BNC2: variants seen among roughly 807,000 people sequenced by gnomAD.
BNC2 encodes the protein basonuclin zinc finger protein 2.
Under a neutral mutation model 76.3 loss-of-function variants are expected in BNC2, and 20 were observed. That is an observed-to-expected ratio of 0.26 (90% CI 0.18 to 0.38). The LOEUF (loss-of-function observed/expected upper bound fraction) is 0.38, where lower values mean the gene tolerates loss of function less well. Among genes scored for constraint, BNC2 ranks in the 10% least tolerant of loss-of-function variants. BNC2 has a pLI of 1.00. For synonymous variants in BNC2, 582 were observed against 514.8 expected (o/e 1.13, Z -1.77); for missense variants, 1,382 against 1,399.8 (o/e 0.99, Z 0.20).
chr9:16,513,432 G>A (rs368985930), intron 5 of BNC2, among the ~76,000 whole-genome samples: 6 of 148,862 alleles, frequency 4.0e-5, no homozygotes, highest in Middle Eastern at 3.8e-3. Flanking sequence ...TCAGCCTCCC[G>A]AGTAGCTGGG....
intron 3 of BNC2, among the ~76,000 whole-genome samples, chr9:16,722,041 A>T (rs543937482): frequency 6.6e-6 from 1 of 152,168 alleles, no homozygotes. Context: ...CAGATGCCCA[A>T]TGCAACTTTT....
At chr9:16,480,843 C>G (rs943446292) in intron 5 of BNC2, among the ~76,000 whole-genome samples, 1 of 152,208 alleles carries the variant, frequency 6.6e-6, no homozygotes, top group Non-Finnish European at 1.5e-5. Context: ...GTGCCACCCC[C>G]TGCTCCACGG....
At chr9:16,729,699 G>A (rs10962554) in intron 2 of BNC2, among the ~76,000 whole-genome samples, 1 of 151,890 alleles carries the variant, frequency 6.6e-6, no homozygotes, top group Admixed American at 6.6e-5. Flanking sequence ...TGGGGGGGAG[G>A]GCAGGAAAAT....
intron 1 of BNC2, among the ~76,000 whole-genome samples, chr9:16,842,933 G>C (rs1444681956): frequency 6.6e-6 from 1 of 152,114 alleles, no homozygotes; most frequent in Non-Finnish European, 1.5e-5. Context: ...TGTATTTTTA[G>C]TAGAGACGCA....
chr9:16,785,634 G>T (rs573326614), intron 1 of BNC2, among the ~76,000 whole-genome samples: 2 of 150,132 alleles, frequency 1.3e-5, no homozygotes, highest in African/African-American at 4.9e-5. Context: ...CTGACCTCAG[G>T]TGATCGGCCC....
rs919328185 is a variant in BNC2 at position 16,697,571 on chromosome 9, A to G, written c.330+30226T>C. Reference sequence around the variant, plus strand: ...ACCCCATCTCTACTAAAATATTTTAAAAGGCTGGGTATGGTGGCACATGCC... The same window carrying G: ...ACCCCATCTCTACTAAAATATTTTAGAAGGCTGGGTATGGTGGCACATGCC... On this transcript the variant is annotated intron_variant, in intron 3 of 6. Coordinates refer to ENST00000380672, the MANE Select transcript of BNC2 (RefSeq NM_017637.6). Among the ~76,000 whole-genome samples the G allele has an allele frequency of 4.7e-5, 7 of 150,042 alleles. No individual in the cohort carries two copies. The South Asian group carries it at 1.5e-3, about 32-fold the overall frequency.
At position 16,481,623 on chromosome 9, in the gene BNC2, C is replaced by T. The variant is rs372915737; in HGVS notation, c.670-44099G>A. Among the ~76,000 whole-genome samples the T allele has an allele frequency of 2.9e-3, 443 of 152,298 alleles. 20 individuals carry two copies. In the South Asian group the frequency reaches 0.081, roughly 28 times the overall value. ...GACCCACCAATTCCGGACACACCATCGCTGATATCACTGCTAACTTAGGAA... is the reference window on the plus strand; with the variant it reads ...GACCCACCAATTCCGGACACACCATTGCTGATATCACTGCTAACTTAGGAA... On this transcript the variant is annotated intron_variant, in intron 5 of 6. Transcript: ENST00000380672.
chr9:16,772,829 A>G (rs1825865619), intron 1 of BNC2, among the ~76,000 whole-genome samples: 1 of 152,220 alleles, frequency 6.6e-6, no homozygotes, highest in Non-Finnish European at 1.5e-5. Flanking sequence ...GTACAAAATA[A>G]TTGTATATTC....
intron 1 of BNC2, among the ~76,000 whole-genome samples, chr9:16,740,928 AT>A (rs1824829779): frequency 6.6e-6 from 1 of 152,174 alleles, no homozygotes; most frequent in South Asian, 2.1e-4. Flanking sequence ...AGAAATACAT[AT>A]ATTAAAACTG....
intron 5 of BNC2, among the ~76,000 whole-genome samples, chr9:16,520,635 C>T (rs895174552): frequency 6.6e-6 from 1 of 152,152 alleles, no homozygotes; most frequent in African/African-American, 2.4e-5. Context: ...AGGGAGACTC[C>T]TTTCATCCCA....
At chr9:16,493,274 G>T (rs552422186) in intron 5 of BNC2, among the ~76,000 whole-genome samples, 1 of 152,254 alleles carries the variant, frequency 6.6e-6, no homozygotes, top group East Asian at 1.9e-4. Context: ...TTAGACTCAG[G>T]AAACAGTTAC....
At chr9:16,861,181 AATATAT>A (rs71327866) in intron 1 of BNC2, among the ~76,000 whole-genome samples, 6 of 131,638 alleles carry the variant, frequency 4.6e-5, no homozygotes, top group African/African-American at 9.4e-5. Flanking sequence ...ATCTCTACAA[AATATAT>A]ATATATATAT....
intron 5 of BNC2, among the ~76,000 whole-genome samples, chr9:16,509,869 T>C (rs1356362406): frequency 6.6e-6 from 1 of 152,208 alleles, no homozygotes; most frequent in Non-Finnish European, 1.5e-5. Flanking sequence ...CTGGATGAAC[T>C]TTCAACTGTA....
At chr9:16,782,229 C>T (rs1363007811) in intron 1 of BNC2, among the ~76,000 whole-genome samples, 1 of 151,856 alleles carries the variant, frequency 6.6e-6, no homozygotes, top group Non-Finnish European at 1.5e-5. Flanking sequence ...AGGTTTCAGT[C>T]AGCCGAGATT....
At chr9:16,583,815 A>G (rs1277607214) in intron 3 of BNC2, among the ~76,000 whole-genome samples, 1 of 152,194 alleles carries the variant, frequency 6.6e-6, no homozygotes, top group Non-Finnish European at 1.5e-5. Flanking sequence ...TGAATATTTT[A>G]TATCTGGAAC....
At chr9:16,601,195 G>C (rs1046335191) in intron 3 of BNC2, among the ~76,000 whole-genome samples, 2 of 152,146 alleles carry the variant, frequency 1.3e-5, no homozygotes, top group African/African-American at 4.8e-5. Context: ...AGAATCATCT[G>C]TGGTGCTTTA....
At chr9:16,837,693 G>C (rs770833277) in intron 1 of BNC2, among the ~76,000 whole-genome samples, 9 of 152,112 alleles carry the variant, frequency 5.9e-5, no homozygotes, top group Non-Finnish European at 1.2e-4. Flanking sequence ...ATCACACTGT[G>C]ATCCTCTGAA....
At chr9:16,847,218 G>A (rs1405904996) in intron 1 of BNC2, among the ~76,000 whole-genome samples, 7 of 151,968 alleles carry the variant, frequency 4.6e-5, no homozygotes, top group African/African-American at 1.2e-4. Flanking sequence ...CAACACACAC[G>A]CAGCTCAAAA....
intron 3 of BNC2, among the ~76,000 whole-genome samples, chr9:16,706,324 T>C (rs1823671688): frequency 6.6e-6 from 1 of 152,210 alleles, no homozygotes; most frequent in South Asian, 2.1e-4. Context: ...CCAATTGTTT[T>C]ATTATTCCTC....
Sources: gnomAD v4.1 joint callset for allele counts (sites outside exome capture counted in the v4.1 genomes callset) on GRCh38, gnomAD v4.1.1 for gene constraint, MANE v1.5 for transcripts, NCBI Gene and HGNC (gene_info 2026-07-23, HGNC 2026-07-21) for gene names.